Variants in CPA6 observed in about 807,000 individuals in gnomAD.
CPA6 encodes the protein carboxypeptidase A6, also known as carboxypeptidase B.
In CPA6, 58 loss-of-function variants were observed where a neutral mutation model predicts 63.3. The observed-to-expected ratio is 0.92, with a 90% CI of 0.74 to 1.14. The LOEUF is 1.14. CPA6 is among the 50% of genes most tolerant of loss of function. CPA6 has a pLI of 0.00. For missense variants in CPA6, 565 were observed against 526.6 expected, an observed-to-expected ratio of 1.07 and a Z score of -0.71; for synonymous variants, 185 against 179.0, an observed-to-expected ratio of 1.03 and a Z score of -0.27.
chr8:67,433,551 T>C (rs1227159031), intron 9 of CPA6, among the ~76,000 whole-genome samples: 1 of 152,278 alleles, frequency 6.6e-6, no homozygotes, highest in Non-Finnish European at 1.5e-5. Context: ...AATTAAAACC[T>C]GCTTTTAATT....
chr8:67,560,159 G>A (rs1420768772), intron 2 of CPA6, among the ~76,000 whole-genome samples: 2 of 63,936 alleles, frequency 3.1e-5, no homozygotes, highest in Non-Finnish European at 7.9e-5. Context: ...TTGTATTTCC[G>A]GATATATATA....
chr8:67,667,105 G>C (rs554239539), intron 1 of CPA6, among the ~76,000 whole-genome samples: 2 of 149,226 alleles, frequency 1.3e-5, no homozygotes, highest in African/African-American at 4.9e-5. Flanking sequence ...CTATCATCTG[G>C]CATCTACACA....
At chr8:67,511,004 A>C (rs186846258) in intron 4 of CPA6, among the ~76,000 whole-genome samples, 162 of 152,324 alleles carry the variant, frequency 1.1e-3, no homozygotes, top group Middle Eastern at 0.01. Context: ...TGAGATTTGC[A>C]GAACAACAAC....
intron 1 of CPA6, among the ~76,000 whole-genome samples, chr8:67,650,206 GGT>G (rs1253039528): frequency 6.6e-6 from 1 of 152,040 alleles, no homozygotes; most frequent in Non-Finnish European, 1.5e-5. Flanking sequence ...TTTCTTCAAT[GGT>G]TAAGAAATAT....
chr8:67,444,619 A>C (rs962805950), intron 8 of CPA6, among the ~76,000 whole-genome samples: 1 of 150,422 alleles, frequency 6.6e-6, no homozygotes, highest in African/African-American at 2.5e-5. Flanking sequence ...CCCTGTCTCT[A>C]GTAAAAATAC....
chr8:67,615,186 T>C (rs1273882243), intron 2 of CPA6, among the ~76,000 whole-genome samples: 1 of 152,164 alleles, frequency 6.6e-6, no homozygotes, highest in African/African-American at 2.4e-5. Context: ...TCTCTGCAGA[T>C]TTATACAGCT....
intron 2 of CPA6, among the ~76,000 whole-genome samples, chr8:67,595,707 C>G (rs1814311095): frequency 6.6e-6 from 1 of 152,218 alleles, no homozygotes; most frequent in African/African-American, 2.4e-5. Flanking sequence ...ATATAATCTC[C>G]TGGTGCACCG....
chr8:67,682,394 A>G (rs1339608784), intron 1 of CPA6, among the ~76,000 whole-genome samples: 2 of 150,882 alleles, frequency 1.3e-5, no homozygotes, highest in African/African-American at 2.4e-5. Flanking sequence ...TCTTTTTCGT[A>G]TTTTCTGTGT....
In CPA6 at chr8:67,607,235, T is replaced by TTCTTCTTCC. The variant is rs1814684173; in HGVS notation, c.192+16940_192+16941insGGAAGAAGA. Among the ~76,000 whole-genome samples the TTCTTCTTCC allele has an allele frequency of 1.6e-5, 2 of 125,822 alleles. 1 individual carries two copies. The highest frequency in any genetic ancestry group is 6.2e-5 in the African/African-American group (2 of 32,254). 82.5% of individuals were successfully genotyped at this position (125,822 alleles called of 152,430 possible). ...CTTCTTCTTCTTCTTCTTCTTCTTC[T>TTCTTCTTCC]TCTTCTTCTTCTTCTTCTCCTCCTC... On this transcript the variant is annotated intron_variant, in intron 2 of 10. Transcript: ENST00000297770.
intron 8 of CPA6, among the ~76,000 whole-genome samples, chr8:67,454,584 G>T (rs572044284): frequency 1.3e-5 from 2 of 152,344 alleles, no homozygotes; most frequent in South Asian, 4.1e-4. Context: ...GTATAAGAAT[G>T]TAAAAGTTAT....
rs116338954 is a variant in CPA6, at chr8:67,702,650, A to G, written c.116+43364T>C. On this transcript the variant is annotated intron_variant, in intron 1 of 10. Coordinates refer to ENST00000297770, the MANE Select transcript of CPA6 (RefSeq NM_020361.5). ...CAAAATGGTGGTGTTTAACTGGTAT[A>G]TGGCCTTCCTCCAAGAATACTTGAA... 9.6e-3 allele frequency among the ~76,000 whole-genome samples: 1,461 copies of G among 152,302 alleles called. 21 individuals carry two copies. The highest frequency in any genetic ancestry group is 0.033 in the African/African-American group (1,384 of 41,562).
At chr8:67,723,715 T>A (rs1817546436) in intron 1 of CPA6, among the ~76,000 whole-genome samples, 1 of 152,152 alleles carries the variant, frequency 6.6e-6, no homozygotes, top group Non-Finnish European at 1.5e-5. Context: ...CCCTCTAGGA[T>A]AAAATTAAGT....
Position 67,718,281 on chromosome 8 carries a change from A to AG in CPA6, c.116+27732dup, listed in dbSNP as rs1372239840. The stretch of plus-strand genomic sequence containing the variant: ...TCATGCAAGGGTTTTAAGAATTGTG[A>AG]GGTATTTTTTTTTAATGTTTTAAAA... On this transcript the variant is annotated intron_variant, in intron 1 of 10. Coordinates refer to ENST00000297770, the MANE Select transcript of CPA6 (RefSeq NM_020361.5). 2.6e-5 allele frequency among the ~76,000 whole-genome samples: 4 copies of AG among 152,264 alleles called. No individual in the cohort carries two copies. The South Asian group carries it at 8.3e-4, about 32-fold the overall frequency.
At chr8:67,579,955 T>G (rs902236567) in intron 2 of CPA6, among the ~76,000 whole-genome samples, 20 of 152,166 alleles carry the variant, frequency 1.3e-4, no homozygotes, top group Admixed American at 9.2e-4. Context: ...TTTTTTTTAT[T>G]TAGAAGAAAC....
At chr8:67,652,633 A>C (rs1815875312) in intron 1 of CPA6, among the ~76,000 whole-genome samples, 1 of 149,376 alleles carries the variant, frequency 6.7e-6, no homozygotes, top group Non-Finnish European at 1.5e-5. Flanking sequence ...TAGATTCTGG[A>C]TATTAGCCCT....
Position 67,428,034 on chromosome 8 carries a change from G to A in CPA6, c.1126+13C>T, listed in dbSNP as rs768409721. On this transcript the variant is annotated intron_variant, in intron 10 of 10. Coordinates refer to ENST00000297770, the MANE Select transcript of CPA6 (RefSeq NM_020361.5). ...GAGAGAGGATTCTAACACAATGTAC[G>A]CAGGAAACTTACACAACGTTGTGGA... 5.1e-5 allele frequency: 79 copies of A among 1,560,630 alleles called. No homozygotes were observed. Among genetic ancestry groups the A allele is most frequent in the Admixed American group, 6.7e-5 (4 of 59,382 alleles).
chr8:67,703,910 C>T (rs994010346), intron 1 of CPA6, among the ~76,000 whole-genome samples: 2 of 151,856 alleles, frequency 1.3e-5, no homozygotes, highest in African/African-American at 4.9e-5. Context: ...CTTTAAGGAC[C>T]CCACTTACAT....
chr8:67,715,879 C>T (rs893118786), intron 1 of CPA6, among the ~76,000 whole-genome samples: 5 of 151,992 alleles, frequency 3.3e-5, no homozygotes, highest in Admixed American at 6.6e-5. Context: ...GTGGGCAGGG[C>T]GCGGTGGCTC....
intron 2 of CPA6, among the ~76,000 whole-genome samples, chr8:67,601,118 G>A (rs1182649803): frequency 1.3e-5 from 2 of 152,168 alleles, no homozygotes; most frequent in Non-Finnish European, 2.9e-5. Context: ...AATATCAGAT[G>A]TCTTGATTAT....
Sources: allele counts gnomAD v4.1 joint callset (sites outside exome capture counted in the v4.1 genomes callset), GRCh38; gene constraint gnomAD v4.1.1; transcripts MANE v1.5; gene names NCBI Gene and HGNC (gene_info 2026-07-23, HGNC 2026-07-21).